The following PLEKHG4B variants were observed in gnomAD, a reference collection of about 807,000 sequenced individuals.
PLEKHG4B encodes the protein pleckstrin homology domain-containing family G member 4B.
A neutral mutation model predicts 121.3 loss-of-function variants in PLEKHG4B; 111 were observed. The observed-to-expected ratio is 0.92, with a 90% CI of 0.78 to 1.07. The LOEUF (loss-of-function observed/expected upper bound fraction) is 1.07. Among genes scored for constraint, PLEKHG4B ranks in the 50% least tolerant of loss-of-function variants. The probability of loss-of-function intolerance (pLI) is 0.00; values close to 1 mark genes in which losing one functional copy is unlikely to be tolerated. For missense variants in PLEKHG4B, 1,831 were observed against 1,757.8 expected (o/e 1.04, Z -0.74); for synonymous variants, 738 against 725.0 (o/e 1.02, Z -0.29).
intron 1 of PLEKHG4B, among the ~76,000 whole-genome samples, chr5:106,357 T>G (rs949992729): frequency 6.6e-6 from 1 of 152,230 alleles, no homozygotes; most frequent in African/African-American, 2.4e-5. Context: ...CATCCAGCCC[T>G]TTGTTTTGCA....
chr5:151,447 C>A, intron 6 of PLEKHG4B, 66 bp from the exon 7 acceptor site: 2 of 1,110,528 alleles, frequency 1.8e-6, no homozygotes, highest in Non-Finnish European at 2.6e-6. Flanking sequence ...CAAAATTGGG[C>A]AATTCTATTA....
Position 180,532 on chromosome 5 carries a change from G to A in PLEKHG4B, c.4403-982G>A, listed in dbSNP as rs192194277. On this transcript the variant is annotated intron_variant, in intron 18 of 19. Coordinates refer to ENST00000637938, the MANE Select transcript of PLEKHG4B (RefSeq NM_052909.5). The stretch of plus-strand genomic sequence containing the variant: ...GTCAAGTTTCCAGTGGCCTGTGAAC[G>A]CCACATCTGCCCAGGACATTGGCCC... 5.9e-5 allele frequency among the ~76,000 whole-genome samples: 9 copies of A among 152,274 alleles called. No individual in the cohort carries two copies. The South Asian group carries it at 1.5e-3, about 25-fold the overall frequency.
chr5:148,357 ATAAAT>A (rs1179724065), intron 6 of PLEKHG4B, among the ~76,000 whole-genome samples: 6 of 144,556 alleles, frequency 4.2e-5, no homozygotes, highest in Admixed American at 6.9e-5. Flanking sequence ...AAAAAAAAAA[ATAAAT>A]AAAAATAAGT....
At chr5:153,415 TG>T (rs1333195539) in intron 7 of PLEKHG4B, among the ~76,000 whole-genome samples, 1 of 152,208 alleles carries the variant, frequency 6.6e-6, no homozygotes, top group Non-Finnish European at 1.5e-5. Context: ...TGTTCTAGTG[TG>T]CACGTAACGT....
At chr5:163,958 C>T (rs1736143918) in intron 13 of PLEKHG4B, among the ~76,000 whole-genome samples, 1 of 152,258 alleles carries the variant, frequency 6.6e-6, no homozygotes, top group Non-Finnish European at 1.5e-5. Context: ...GCGCCCATTG[C>T]CCCACTGAAG....
chr5:124,352 A>G (rs1322338890), intron 2 of PLEKHG4B, among the ~76,000 whole-genome samples: 1 of 152,210 alleles, frequency 6.6e-6, no homozygotes. Flanking sequence ...CAGAATAATG[A>G]CACTGCTGGC....
chr5:150,971 G>T (rs568441434), intron 6 of PLEKHG4B, among the ~76,000 whole-genome samples: 1 of 152,370 alleles, frequency 6.6e-6, no homozygotes, highest in Non-Finnish European at 1.5e-5. Context: ...TGAACAGATT[G>T]TGGTGAGGCA....
At chr5:125,476 T>C (rs143393486) in intron 2 of PLEKHG4B, among the ~76,000 whole-genome samples, 143 of 152,348 alleles carry the variant, frequency 9.4e-4, no homozygotes, top group Middle Eastern at 3.4e-3. Context: ...TTTACAGCTC[T>C]GTCTCACCCC....
At chr5:151,651 G>A in intron 7 of PLEKHG4B, 52 bp downstream of exon 7, 1 of 1,229,662 alleles carries the variant, frequency 8.1e-7, no homozygotes, top group Non-Finnish European at 1.2e-6. Flanking sequence ...TAAACATTAA[G>A]GCACCTAGAT....
intron 13 of PLEKHG4B, among the ~76,000 whole-genome samples, chr5:166,962 G>T (rs1233519057): frequency 2.0e-5 from 3 of 152,192 alleles, no homozygotes; most frequent in Non-Finnish European, 1.5e-5. Context: ...CGCTGTCCCT[G>T]AGTCTCAGCA....
intron 2 of PLEKHG4B, among the ~76,000 whole-genome samples, chr5:133,941 CAT>C (rs1553984840): frequency 4.9e-4 from 71 of 146,352 alleles, no homozygotes; most frequent in South Asian, 1.3e-3. Flanking sequence ...CACACACACA[CAT>C]ATATATATGG....
chr5:160,510 A>AT (rs1408824693), intron 11 of PLEKHG4B, among the ~76,000 whole-genome samples: 31 of 152,220 alleles, frequency 2.0e-4, no homozygotes, highest in African/African-American at 7.2e-4. Context: ...ACAGCTGGAC[A>AT]TTCTCTTCAC....
At position 139,091 on chromosome 5, in the gene PLEKHG4B, A is replaced by C. The variant is rs1246940042; in HGVS notation, c.244-392A>C. Reference sequence around the variant, plus strand: ...GGGAGCCCCCCATAGGGTGGCCCTGACCAGGGCTGGCAGGGGCAAGTGTGG... The same window carrying C: ...GGGAGCCCCCCATAGGGTGGCCCTGCCCAGGGCTGGCAGGGGCAAGTGTGG... On this transcript the variant is annotated intron_variant, in intron 2 of 19. Transcript: ENST00000637938. This position sits in a 1 kb window ranked among gnomAD's most constrained non-coding sequence, Gnocchi z 5.0. Among the ~76,000 whole-genome samples, 1 of 152,168 alleles carries C rather than the reference A, an allele frequency of 6.6e-6. No individual in the cohort carries two copies. Among genetic ancestry groups the C allele is most frequent in the Non-Finnish European group, 1.5e-5 (1 of 68,018 alleles).
rs1368018611 is a variant in PLEKHG4B, at chr5:157,624, A to C, written c.2487+713A>C. 2.0e-5 allele frequency among the ~76,000 whole-genome samples: 3 copies of C among 152,078 alleles called. No homozygotes were observed. Among genetic ancestry groups the C allele is most frequent in the African/African-American group, 7.2e-5 (3 of 41,392 alleles). Reference sequence around the variant, plus strand: ...TAGCTCGGGGGGCACCAGCGAAATGATTGCTTAGCTCAGGGGTGCAGATGA... The same window carrying C: ...TAGCTCGGGGGGCACCAGCGAAATGCTTGCTTAGCTCAGGGGTGCAGATGA... On this transcript the variant is annotated intron_variant, in intron 11 of 19. Coordinates refer to ENST00000637938, the MANE Select transcript of PLEKHG4B (RefSeq NM_052909.5). The surrounding 1 kb of genome is among the most constrained non-coding windows in gnomAD (Gnocchi z 4.6).
chr5:142,574 C>T (rs1368653788), intron 3 of PLEKHG4B, among the ~76,000 whole-genome samples: 1 of 151,890 alleles, frequency 6.6e-6, no homozygotes, highest in Admixed American at 6.6e-5. Flanking sequence ...TCACACACCA[C>T]ACGCAGTCAC....
intron 13 of PLEKHG4B, among the ~76,000 whole-genome samples, chr5:164,458 CAG>C (rs1736170729): frequency 7.9e-6 from 1 of 126,856 alleles, no homozygotes; most frequent in Admixed American, 7.4e-5. Flanking sequence ...GCGGGGCTCA[CAG>C]TAATGTTGTG....
chr5:155,594 C>T, intron 9 of PLEKHG4B, 151 bp downstream of exon 9: 6 of 660,478 alleles, frequency 9.1e-6, no homozygotes, highest in Non-Finnish European at 1.6e-5. Context: ...CCTCTTAATT[C>T]AGAAAAGGCC....
chr5:104,526 C>A (rs1733917943), intron 1 of PLEKHG4B, among the ~76,000 whole-genome samples: 1 of 152,114 alleles, frequency 6.6e-6, no homozygotes, highest in African/African-American at 2.4e-5. Context: ...AACCAGTAAC[C>A]CAATTTAAAG....
Position 140,129 on chromosome 5 carries a change from GC to G in PLEKHG4B, c.893del (p.Pro298HisfsTer84). 1.7e-6 allele frequency: 1 copy of G among 606,058 alleles called. No homozygotes were observed. Among genetic ancestry groups the G allele is most frequent in the Non-Finnish European group, 2.8e-6 (1 of 359,768 alleles). The allele number at this position is 606,058 out of a possible 1,614,324, so 37.5% of individuals were successfully genotyped here. ...DFEKVSPSEQ[G>X]PRMPPENCGG... ...GAAAAGGTCAGCCCCTCAGAGCAGG[GC>G]CCACGGATGCCCCCTGAGAACTGTG... On this transcript the variant is annotated frameshift_variant, in exon 3 of 20. Coordinates refer to ENST00000637938, the MANE Select transcript of PLEKHG4B (RefSeq NM_052909.5). LOFTEE classifies it high-confidence loss of function.
Sources: allele counts gnomAD v4.1 joint callset (sites outside exome capture counted in the v4.1 genomes callset), GRCh38; gene constraint gnomAD v4.1.1; non-coding constraint Gnocchi (gnomAD v3.1); transcripts MANE v1.5; gene names NCBI Gene and HGNC (gene_info 2026-07-23, HGNC 2026-07-21).